MAF: variants seen among roughly 807,000 people sequenced by gnomAD.
MAF encodes transcription factor Maf.
A neutral mutation model predicts 22.0 loss-of-function variants in MAF; 10 were observed. The observed-to-expected ratio is 0.45, with a 90% CI of 0.28 to 0.77. MAF has a LOEUF of 0.77. Ranked by LOEUF, MAF falls within the 30% of genes least tolerant of loss-of-function variation. The pLI is 0.12. For synonymous variants in MAF, 337 were observed against 255.8 expected, an observed-to-expected ratio of 1.32 and a Z score of -3.03; for missense variants, 544 against 548.4, an observed-to-expected ratio of 0.99 and a Z score of 0.08.
intron 1 of MAF, chr16:79,597,325 A>G (rs1007666033): frequency 1.9e-6 from 2 of 1,041,396 alleles, no homozygotes; most frequent in East Asian, 5.7e-5. Flanking sequence ...AGAAACCCAG[A>G]GCATTCCACA....
At chr16:79,240,310 G>T in the MAF span, among the ~76,000 whole-genome samples, 22 of 151,110 alleles carry the variant, frequency 1.5e-4, no homozygotes, top group African/African-American at 5.1e-4. Flanking sequence ...AAATGTGCCC[G>T]ATTGCCCTTT....
chr16:79,414,745 T>C, the MAF span, among the ~76,000 whole-genome samples: 1 of 151,916 alleles, frequency 6.6e-6, no homozygotes, highest in African/African-American at 2.4e-5. Flanking sequence ...CAAAATGGAG[T>C]TTTGTTAATC....
the MAF span, among the ~76,000 whole-genome samples, chr16:79,232,261 T>C: frequency 6.6e-6 from 1 of 152,088 alleles, no homozygotes; most frequent in Non-Finnish European, 1.5e-5. Flanking sequence ...CTGTGGTCTA[T>C]TAAAATGGCT....
the MAF span, among the ~76,000 whole-genome samples, chr16:79,410,760 G>A: frequency 1.3e-5 from 2 of 152,216 alleles, no homozygotes; most frequent in African/African-American, 2.4e-5. Flanking sequence ...TCCAGAGAAA[G>A]GAAAGAGCCT....
At chr16:79,516,826 C>T in the MAF span, among the ~76,000 whole-genome samples, 1 of 113,402 alleles carries the variant, frequency 8.8e-6, no homozygotes, top group Non-Finnish European at 1.9e-5. Context: ...AAAGACAGAG[C>T]TAACGTCTCA....
chr16:79,204,081 T>G, the MAF span: 7 of 152,118 alleles, frequency 4.6e-5, no homozygotes, highest in Non-Finnish European at 1.0e-4. Flanking sequence ...CTTATTTTGT[T>G]GGCAAATTTC....
chr16:79,483,857 A>T, the MAF span, among the ~76,000 whole-genome samples: 15,414 of 152,230 alleles, frequency 0.1, 1,073 homozygotes, highest in Middle Eastern at 0.15. Flanking sequence ...CTTATTCGAC[A>T]GGCAGAGTGA....
At chr16:79,290,772 G>C in the MAF span, among the ~76,000 whole-genome samples, 1 of 151,996 alleles carries the variant, frequency 6.6e-6, no homozygotes, top group South Asian at 2.1e-4. Context: ...CAACTCCCAG[G>C]GCGAATTTGG....
chr16:79,583,619 G>T (rs759629845), downstream of MAF, among the ~76,000 whole-genome samples: 1 of 152,188 alleles, frequency 6.6e-6, no homozygotes, highest in South Asian at 2.1e-4. Flanking sequence ...GTTCTGATCG[G>T]TCTTTCAGCG....
At chr16:79,341,643 G>A in the MAF span, among the ~76,000 whole-genome samples, 1 of 152,190 alleles carries the variant, frequency 6.6e-6, no homozygotes, top group Non-Finnish European at 1.5e-5. Flanking sequence ...GTTGGCTATT[G>A]AAGACTTTTG....
At chr16:79,444,574 G>A in the MAF span, among the ~76,000 whole-genome samples, 3 of 152,204 alleles carry the variant, frequency 2.0e-5, no homozygotes, top group Admixed American at 2.0e-4. Flanking sequence ...GATGGGCAAA[G>A]TGTATTTACT....
the MAF span, among the ~76,000 whole-genome samples, chr16:79,392,829 T>C: frequency 6.6e-6 from 1 of 152,112 alleles, no homozygotes; most frequent in African/African-American, 2.4e-5. Flanking sequence ...TAAACACCTC[T>C]CAGGTGCCAA....
the MAF span, among the ~76,000 whole-genome samples, chr16:79,479,643 C>G: frequency 6.6e-6 from 1 of 152,182 alleles, no homozygotes; most frequent in African/African-American, 2.4e-5. Context: ...GCCAGTTATG[C>G]GGATCACAGT....
the MAF span, among the ~76,000 whole-genome samples, chr16:79,438,784 G>C: frequency 6.6e-6 from 1 of 152,228 alleles, no homozygotes; most frequent in African/African-American, 2.4e-5. Flanking sequence ...AGAAGCGCTA[G>C]GAAGAAATAA....
At chr16:79,391,891 AGG>A in the MAF span, among the ~76,000 whole-genome samples, 1 of 74,316 alleles carries the variant, frequency 1.3e-5, no homozygotes, top group Non-Finnish European at 4.4e-5. Context: ...GAGGAGGAGG[AGG>A]AGGAGCAGGA....
chr16:79,247,450 C>G, the MAF span, among the ~76,000 whole-genome samples: 6 of 152,198 alleles, frequency 3.9e-5, no homozygotes, highest in South Asian at 6.2e-4. Context: ...TTGCTTCCCC[C>G]TCACCAGCTC....
the MAF span, among the ~76,000 whole-genome samples, chr16:79,375,478 A>C: frequency 1.3e-5 from 2 of 152,178 alleles, no homozygotes; most frequent in African/African-American, 2.4e-5. Flanking sequence ...GGTGGTGATG[A>C]AGATGATGAA....
chr16:79,247,453 A>G, the MAF span, among the ~76,000 whole-genome samples: 1 of 152,196 alleles, frequency 6.6e-6, no homozygotes, highest in East Asian at 1.9e-4. Context: ...CTTCCCCCTC[A>G]CCAGCTCACC....
the MAF span, among the ~76,000 whole-genome samples, chr16:79,404,375 G>C: frequency 1.2e-4 from 19 of 152,054 alleles, no homozygotes; most frequent in African/African-American, 4.3e-4. Context: ...TGTTGGCCAG[G>C]ATAGTCTCGA....
Sources: allele counts gnomAD v4.1 joint callset (sites outside exome capture counted in the v4.1 genomes callset), GRCh38; gene constraint gnomAD v4.1.1; transcripts MANE v1.5; gene names NCBI Gene and HGNC (gene_info 2026-07-23, HGNC 2026-07-21).